The following CDH4 variants were observed in gnomAD, a reference collection of about 807,000 sequenced individuals.
CDH4 encodes cadherin-4.
A neutral mutation model predicts 86.0 loss-of-function variants in CDH4; 33 were observed. The observed-to-expected ratio is 0.38, with a 90% CI of 0.29 to 0.51. The LOEUF (loss-of-function observed/expected upper bound fraction) is 0.51, where lower values mean the gene tolerates loss of function less well. Ranked by LOEUF, CDH4 falls within the 20% of genes least tolerant of loss-of-function variation. CDH4 has a pLI of 0.86. For missense variants in CDH4, 1,114 were observed against 1,307.4 expected, an observed-to-expected ratio of 0.85 and a Z score of 2.28; for synonymous variants, 555 against 549.4, an observed-to-expected ratio of 1.01 and a Z score of -0.14.
intron 2 of CDH4, among the ~76,000 whole-genome samples, chr20:61,391,292 G>A (rs1366608335): frequency 1.3e-5 from 2 of 152,180 alleles, no homozygotes; most frequent in Non-Finnish European, 2.9e-5. Context: ...GAGGGGCCTG[G>A]AAGCCGTCGG....
At chr20:61,627,191 G>A (rs922043647) in intron 2 of CDH4, among the ~76,000 whole-genome samples, 5 of 152,210 alleles carry the variant, frequency 3.3e-5, no homozygotes, top group African/African-American at 1.2e-4. Flanking sequence ...TTCCAGGGGT[G>A]TGTCCTCTGG....
chr20:61,421,117 G>A (rs531967386), intron 2 of CDH4, among the ~76,000 whole-genome samples: 1 of 152,194 alleles, frequency 6.6e-6, no homozygotes, highest in Admixed American at 6.5e-5. Flanking sequence ...CTTGCAATGG[G>A]AGCCCTTACA....
chr20:61,332,049 T>C (rs2084584286), intron 2 of CDH4, among the ~76,000 whole-genome samples: 1 of 152,142 alleles, frequency 6.6e-6, no homozygotes, highest in Non-Finnish European at 1.5e-5. Flanking sequence ...TCTGGAAAGG[T>C]ATCTCTGAGT....
At chr20:61,487,760 C>T (rs1477026386) in intron 2 of CDH4, among the ~76,000 whole-genome samples, 1 of 152,232 alleles carries the variant, frequency 6.6e-6, no homozygotes, top group African/African-American at 2.4e-5. Context: ...ACATCTGGGT[C>T]TCCCAGCTGC....
At chr20:61,748,538 C>T (rs112826532) in intron 3 of CDH4, among the ~76,000 whole-genome samples, 3,920 of 152,244 alleles carry the variant, frequency 0.026, 94 homozygotes, top group Non-Finnish European at 0.036. Context: ...TTGAGGTGAA[C>T]ACTCAGAAAT....
intron 7 of CDH4, among the ~76,000 whole-genome samples, chr20:61,886,419 G>GT (rs1283936448): frequency 6.6e-6 from 1 of 152,368 alleles, no homozygotes; most frequent in African/African-American, 2.4e-5. Flanking sequence ...GCCCACTGTG[G>GT]TTTTCTTCCC....
Position 61,701,949 on chromosome 20 carries a change from C to T in CDH4, c.170-41614C>T, listed in dbSNP as rs181491554. On this transcript the variant is annotated intron_variant, in intron 2 of 15. Transcript: ENST00000614565. Reference sequence around the variant, plus strand: ...GGCCGAAGAGAAGTTCACTCAGCTGCGTGAAGCCTCGTCCTCCTCCTTCGT... The same window carrying T: ...GGCCGAAGAGAAGTTCACTCAGCTGTGTGAAGCCTCGTCCTCCTCCTTCGT... Among the ~76,000 whole-genome samples the T allele has an allele frequency of 3.1e-3, 470 of 152,274 alleles. 2 individuals are homozygous for T. The highest frequency in any genetic ancestry group is 5.1e-3 in the Non-Finnish European group (350 of 68,024).
chr20:61,292,276 T>G (rs2084326573), intron 2 of CDH4, among the ~76,000 whole-genome samples: 1 of 152,246 alleles, frequency 6.6e-6, no homozygotes, highest in African/African-American at 2.4e-5. Flanking sequence ...ATGTGGTAGA[T>G]ATACACCATG....
rs1442555459 is a variant in CDH4 at position 61,706,694 on chromosome 20, T to C, written c.170-36869T>C. ...GGCACCGACTCCCTGATCCCCGATG[T>C]GTAGAAACCACCTTGGCTGAATTCT... On this transcript the variant is annotated intron_variant, in intron 2 of 15. Transcript: ENST00000614565. Among the ~76,000 whole-genome samples the C allele has an allele frequency of 3.3e-5, 5 of 152,246 alleles. No individual in the cohort carries two copies. The South Asian group carries it at 8.3e-4, about 25-fold the overall frequency.
intron 2 of CDH4, among the ~76,000 whole-genome samples, chr20:61,304,738 G>T (rs73141812): frequency 0.015 from 2,248 of 151,934 alleles, 29 homozygotes; most frequent in Non-Finnish European, 0.023. Flanking sequence ...AGTGTGCTGT[G>T]TGTTTTGCAT....
At chr20:61,714,023 T>TTATGTTTTGTTATGTTATGTTATGTTATG (rs1555828915) in intron 2 of CDH4, among the ~76,000 whole-genome samples, 1 of 123,860 alleles carries the variant, frequency 8.1e-6, no homozygotes, top group African/African-American at 4.0e-5. Flanking sequence ...CTATTCTTTT[T>TTATGTTTTGTTATGTTATGTTATGTTATG]TTATTTTATT....
chr20:61,386,873 A>G (rs2084954287), intron 2 of CDH4, among the ~76,000 whole-genome samples: 1 of 152,232 alleles, frequency 6.6e-6, no homozygotes, highest in Non-Finnish European at 1.5e-5. Context: ...AGGGTGAGGC[A>G]GATGTTCCCC....
intron 6 of CDH4, among the ~76,000 whole-genome samples, chr20:61,873,239 G>A (rs1983880841): frequency 6.6e-6 from 1 of 152,208 alleles, no homozygotes; most frequent in Admixed American, 6.5e-5. Flanking sequence ...TTTCCACTGT[G>A]TCCTCTGCAG....
intron 2 of CDH4, among the ~76,000 whole-genome samples, chr20:61,300,630 G>A (rs997744974): frequency 6.6e-6 from 1 of 152,142 alleles, no homozygotes; most frequent in African/African-American, 2.4e-5. Context: ...TGTCCCCTCT[G>A]TCCAGTGTTC....
At chr20:61,859,084 C>T (rs890762342) in intron 6 of CDH4, among the ~76,000 whole-genome samples, 1 of 151,900 alleles carries the variant, frequency 6.6e-6, no homozygotes, top group Non-Finnish European at 1.5e-5. Flanking sequence ...GTTGTCATCA[C>T]TTTCAACGTT....
intron 2 of CDH4, among the ~76,000 whole-genome samples, chr20:61,609,223 G>A (rs754628322): frequency 1.7e-4 from 26 of 152,278 alleles, no homozygotes; most frequent in Admixed American, 1.1e-3. Flanking sequence ...ACGTGTTCCC[G>A]TTGCTTGTGA....
chr20:61,681,721 ATG>A lies in CDH4; in HGVS notation c.170-61839_170-61838del, dbSNP rs2087515705. ...CATCGGGAAAGTCCGGGCTCAGTGC[ATG>A]TGGAGCTGCCACCCTAGAAAGCCCT... is the stretch of plus-strand genomic sequence containing the variant. On this transcript the variant is annotated intron_variant, in intron 2 of 15. Transcript: ENST00000614565. The surrounding 1 kb of genome is among the most constrained non-coding windows in gnomAD (Gnocchi z 4.5). 3.9e-5 allele frequency among the ~76,000 whole-genome samples: 6 copies of A among 152,336 alleles called. No homozygotes were observed. The South Asian group carries it at 1.2e-3, about 32-fold the overall frequency.
At chr20:61,452,056 A>G (rs1034843783) in intron 2 of CDH4, among the ~76,000 whole-genome samples, 14 of 152,242 alleles carry the variant, frequency 9.2e-5, no homozygotes, top group Admixed American at 9.2e-4. Context: ...AACCTGGAGC[A>G]TTCGCGCTTT....
chr20:61,324,380 G>T (rs566454309), intron 2 of CDH4, among the ~76,000 whole-genome samples: 1 of 152,268 alleles, frequency 6.6e-6, no homozygotes, highest in Non-Finnish European at 1.5e-5. Flanking sequence ...CAGTTCTGGG[G>T]GCCAGAACTC....
Sources: gnomAD v4.1 joint callset for allele counts (sites outside exome capture counted in the v4.1 genomes callset) on GRCh38, gnomAD v4.1.1 for gene constraint, Gnocchi (gnomAD v3.1) non-coding constraint, MANE v1.5 for transcripts, NCBI Gene and HGNC (gene_info 2026-07-23, HGNC 2026-07-21) for gene names.